The following KLHL8 variants were observed in gnomAD, a reference collection of about 807,000 sequenced individuals.
KLHL8 encodes the protein kelch like family member 8, also known as kelch-like protein 8.
Under a neutral mutation model 63.5 loss-of-function variants are expected in KLHL8, and 38 were observed. The ratio of observed to expected loss-of-function variants is 0.60; its 90% CI spans 0.46 to 0.78. The LOEUF (loss-of-function observed/expected upper bound fraction) is 0.78. Ranked by LOEUF, KLHL8 falls within the 30% of genes least tolerant of loss-of-function variation. KLHL8 has a pLI of 0.00. For missense variants in KLHL8, 566 were observed against 752.4 expected, an observed-to-expected ratio of 0.75 and a Z score of 2.90; for synonymous variants, 224 against 254.3, an observed-to-expected ratio of 0.88 and a Z score of 1.13.
At chr4:87,218,036 T>A (rs1050052169) in intron 1 of KLHL8, among the ~76,000 whole-genome samples, 4 of 152,146 alleles carry the variant, frequency 2.6e-5, no homozygotes, top group Non-Finnish European at 5.9e-5. Context: ...CAAGAATGAA[T>A]CCTAACTGTG....
intron 4 of KLHL8, among the ~76,000 whole-genome samples, chr4:87,182,064 T>C (rs1179048573): frequency 6.6e-6 from 1 of 151,676 alleles, no homozygotes; most frequent in African/African-American, 2.4e-5. Context: ...CCGTCTCTAC[T>C]AAAAATACAA....
chr4:87,187,600 T>C (rs556182319), intron 2 of KLHL8, among the ~76,000 whole-genome samples: 124 of 152,212 alleles, frequency 8.1e-4, no homozygotes, highest in Non-Finnish European at 1.4e-3. Flanking sequence ...GATTTTTATG[T>C]AATTAAATGA....
At chr4:87,207,015 A>C in intron 1 of KLHL8, 1 of 317,864 alleles carries the variant, frequency 3.1e-6, no homozygotes, top group Admixed American at 4.3e-5. Flanking sequence ...AACTGGGTCA[A>C]CTTGGCTCTC....
intron 2 of KLHL8, among the ~76,000 whole-genome samples, chr4:87,188,897 C>T (rs567343101): frequency 6.6e-6 from 1 of 152,306 alleles, no homozygotes; most frequent in Non-Finnish European, 1.5e-5. Context: ...ACTTAATTTT[C>T]TAATTTACAT....
At chr4:87,183,482 G>A in intron 3 of KLHL8, 93 bp from the exon 4 acceptor site, 1 of 972,650 alleles carries the variant, frequency 1.0e-6, no homozygotes, top group Admixed American at 2.9e-5. Context: ...GTGAAAACAA[G>A]ATGAGTAATT....
At chr4:87,166,217 G>A (rs1253774666) in intron 8 of KLHL8, among the ~76,000 whole-genome samples, 2 of 152,218 alleles carry the variant, frequency 1.3e-5, no homozygotes, top group African/African-American at 4.8e-5. Flanking sequence ...CAGGCAAGAT[G>A]TAGAGGTAAA....
chr4:87,197,980 A>G (rs1731763700), intron 1 of KLHL8, among the ~76,000 whole-genome samples: 2 of 151,036 alleles, frequency 1.3e-5, no homozygotes, highest in Non-Finnish European at 2.9e-5. Flanking sequence ...AAATAAATAA[A>G]TAAAGCCATG....
chr4:87,218,797 T>G (rs1014650362), intron 1 of KLHL8, among the ~76,000 whole-genome samples: 4 of 152,140 alleles, frequency 2.6e-5, no homozygotes, highest in African/African-American at 9.7e-5. Context: ...CGCAGTGGCA[T>G]GATCTCGGTT....
chr4:87,204,213 C>T (rs895707826), intron 1 of KLHL8, among the ~76,000 whole-genome samples: 6 of 152,118 alleles, frequency 3.9e-5, no homozygotes, highest in African/African-American at 1.2e-4. Context: ...AGCAACATAG[C>T]CCCTGCCACA....
intron 1 of KLHL8, among the ~76,000 whole-genome samples, chr4:87,200,792 A>G (rs1162076223): frequency 6.6e-6 from 1 of 152,234 alleles, no homozygotes; most frequent in Non-Finnish European, 1.5e-5. Flanking sequence ...TTCTAGGTAT[A>G]TATCCAAAAG....
intron 1 of KLHL8, chr4:87,207,897 G>C: frequency 6.8e-7 from 1 of 1,462,674 alleles, no homozygotes; most frequent in Non-Finnish European, 9.5e-7. Flanking sequence ...GCCCCCTCAA[G>C]GGCATCCTGG....
At chr4:87,174,665 T>C (rs1357007505) in intron 6 of KLHL8, among the ~76,000 whole-genome samples, 5 of 152,184 alleles carry the variant, frequency 3.3e-5, no homozygotes, top group Non-Finnish European at 7.3e-5. Flanking sequence ...GCATTATATT[T>C]TCACTCTGAC....
At chr4:87,236,233 G>A (rs980047956) in intron 1 of KLHL8, among the ~76,000 whole-genome samples, 21 of 148,614 alleles carry the variant, frequency 1.4e-4, no homozygotes, top group African/African-American at 5.3e-4. Context: ...TTTTGAGACG[G>A]AGTCTCGCTC....
chr4:87,185,069 C>G (rs1218722624), intron 3 of KLHL8, among the ~76,000 whole-genome samples, 182 bp downstream of exon 3: 3 of 152,166 alleles, frequency 2.0e-5, no homozygotes, highest in African/African-American at 4.8e-5. Context: ...AATTTAGATT[C>G]ATCCTGAAAC....
At chr4:87,168,666 A>G (rs1270615199) in intron 8 of KLHL8, among the ~76,000 whole-genome samples, 1 of 147,792 alleles carries the variant, frequency 6.8e-6, no homozygotes, top group Non-Finnish European at 1.5e-5. Context: ...ATATGTATAT[A>G]TATGTGTGTA....
chr4:87,237,916 G>A (rs748616124), intron 1 of KLHL8, among the ~76,000 whole-genome samples: 3 of 152,090 alleles, frequency 2.0e-5, no homozygotes, highest in Non-Finnish European at 4.4e-5. Flanking sequence ...ACATATCTGT[G>A]TTCTGTTAAT....
chr4:87,188,998 C>T (rs146295972), intron 2 of KLHL8, among the ~76,000 whole-genome samples: 1 of 152,284 alleles, frequency 6.6e-6, no homozygotes, highest in African/African-American at 2.4e-5. Context: ...CGGAGTTTAA[C>T]TGAGCAAAGA....
chr4:87,229,990 CCCT>C (rs1168322758), intron 1 of KLHL8, among the ~76,000 whole-genome samples: 1 of 152,162 alleles, frequency 6.6e-6, no homozygotes, highest in Admixed American at 6.5e-5. Context: ...TCTCACTCCT[CCCT>C]CCTCTCAAGT....
intron 1 of KLHL8, among the ~76,000 whole-genome samples, chr4:87,216,317 AT>A (rs1732593914): frequency 6.6e-6 from 1 of 152,220 alleles, no homozygotes. Flanking sequence ...TGCTTCAAAA[AT>A]AGCCTGTTCT....
Sources: allele counts gnomAD v4.1 joint callset (sites outside exome capture counted in the v4.1 genomes callset), GRCh38; gene constraint gnomAD v4.1.1; transcripts MANE v1.5; gene names NCBI Gene and HGNC (gene_info 2026-07-23, HGNC 2026-07-21).